The following ANO4 variants were observed in gnomAD, a reference collection of about 807,000 sequenced individuals.
The protein encoded by ANO4 is anoctamin-4.
ANO4 carries 69 observed loss-of-function variants against 141.9 expected under a neutral mutation model. The observed-to-expected ratio is 0.49, with a 90% CI of 0.40 to 0.59. ANO4 has a LOEUF of 0.59. Ranked by LOEUF, ANO4 falls within the 20% of genes least tolerant of loss-of-function variation. The probability of loss-of-function intolerance (pLI) is 0.00; values close to 1 mark genes in which losing one functional copy is unlikely to be tolerated. For missense variants in ANO4, 894 were observed against 1,162.2 expected (o/e 0.77, Z 3.36); for synonymous variants, 350 against 394.3 (o/e 0.89, Z 1.33).
chr12:100,936,345 C>CATGTA (rs1273198053), intron 3 of ANO4, among the ~76,000 whole-genome samples: 20 of 152,154 alleles, frequency 1.3e-4, no homozygotes, highest in Non-Finnish European at 2.8e-4. Flanking sequence ...AGCGGCATCC[C>CATGTA]TGGCCTCTAC....
chr12:100,940,736 T>C (rs967128656), intron 4 of ANO4, among the ~76,000 whole-genome samples: 3 of 152,168 alleles, frequency 2.0e-5, no homozygotes, highest in Admixed American at 6.5e-5. Context: ...CATACCACCA[T>C]TGGAAAAGAT....
chr12:100,906,751 A>G (rs1057505638), intron 2 of ANO4, among the ~76,000 whole-genome samples: 8 of 152,196 alleles, frequency 5.3e-5, no homozygotes, highest in Non-Finnish European at 8.8e-5. Context: ...TAGTATAACA[A>G]CTTGAGATTC....
At chr12:101,069,940 A>G (rs2138256) in intron 14 of ANO4, among the ~76,000 whole-genome samples, 107,292 of 151,814 alleles carry the variant, frequency 0.71, 38,960 homozygotes, top group East Asian at 0.89. Context: ...GAGAGGGGAC[A>G]GTGTATGTCT....
chr12:100,925,672 A>C (rs2041836551), intron 3 of ANO4, among the ~76,000 whole-genome samples: 1 of 151,820 alleles, frequency 6.6e-6, no homozygotes, highest in Non-Finnish European at 1.5e-5. Context: ...AGAATTCTGA[A>C]CATCAGTATA....
At chr12:100,954,462 A>G (rs543434549) in intron 5 of ANO4, among the ~76,000 whole-genome samples, 1 of 152,118 alleles carries the variant, frequency 6.6e-6, no homozygotes, top group Admixed American at 6.6e-5. Context: ...CCCACCTTCC[A>G]TCTGAGCACC....
chr12:101,042,521 G>A (rs1593104399), intron 12 of ANO4, 53 bp downstream of exon 12: 1 of 1,604,698 alleles, frequency 6.2e-7, no homozygotes, highest in African/African-American at 1.3e-5. Flanking sequence ...AGAGGTGGCT[G>A]TTTGCACTTT....
At chr12:100,982,511 T>C (rs1042829627) in intron 7 of ANO4, among the ~76,000 whole-genome samples, 1 of 152,234 alleles carries the variant, frequency 6.6e-6, no homozygotes, top group Admixed American at 6.5e-5. Flanking sequence ...TGAACTTTTA[T>C]TGGGAAAAGA....
At chr12:100,850,604 C>T (rs2037811725) in intron 1 of ANO4, among the ~76,000 whole-genome samples, 1 of 152,010 alleles carries the variant, frequency 6.6e-6, no homozygotes, top group Non-Finnish European at 1.5e-5. Flanking sequence ...ACTGGCAGAA[C>T]CTAGGATCAT....
At chr12:101,127,137 C>A in intron 27 of ANO4, 63 bp downstream of exon 27, 1 of 1,459,668 alleles carries the variant, frequency 6.9e-7, no homozygotes. Flanking sequence ...CTTTAAACTC[C>A]CTGAAGCAAA....
intron 1 of ANO4, among the ~76,000 whole-genome samples, chr12:100,835,524 A>C (rs1024262732): frequency 1.3e-5 from 2 of 152,136 alleles, no homozygotes; most frequent in Non-Finnish European, 2.9e-5. Flanking sequence ...CACATAAACT[A>C]CTATAAAAGT....
chr12:100,880,035 G>A (rs34262749), intron 1 of ANO4, among the ~76,000 whole-genome samples: 58 of 152,272 alleles, frequency 3.8e-4, no homozygotes, highest in Non-Finnish European at 7.2e-4. Context: ...TCCAGTTAGA[G>A]AAGATGGCAC....
chr12:101,107,168 G>T (rs1310196122), intron 22 of ANO4, among the ~76,000 whole-genome samples: 1 of 152,144 alleles, frequency 6.6e-6, no homozygotes, highest in African/African-American at 2.4e-5. Flanking sequence ...GTTAGTGATT[G>T]TAAGAATTAT....
intron 2 of ANO4, among the ~76,000 whole-genome samples, chr12:100,905,023 G>A (rs1447126217): frequency 6.6e-6 from 1 of 152,036 alleles, no homozygotes; most frequent in Non-Finnish European, 1.5e-5. Flanking sequence ...AAGTTTTTTT[G>A]GCCTGAGTGA....
At chr12:100,728,236 T>C (rs2031224963) in intron 1 of ANO4, among the ~76,000 whole-genome samples, 1 of 152,200 alleles carries the variant, frequency 6.6e-6, no homozygotes, top group African/African-American at 2.4e-5. Context: ...GGCTTTATTT[T>C]CTTTTGTTAT....
intron 17 of ANO4, among the ~76,000 whole-genome samples, chr12:101,091,679 A>G (rs111579726): frequency 1.3e-5 from 2 of 152,134 alleles, no homozygotes; most frequent in African/African-American, 4.8e-5. Context: ...TCCAAAGGTA[A>G]TCATTATTTA....
At chr12:101,086,631 G>T in intron 16 of ANO4, 29 bp from the exon 17 acceptor site, 1 of 1,612,182 alleles carries the variant, frequency 6.2e-7, no homozygotes, top group Non-Finnish European at 8.5e-7. Context: ...CCACCAAGAG[G>T]TTCACCGGGT....
At chr12:100,889,117 G>A (rs1236866937) in intron 1 of ANO4, among the ~76,000 whole-genome samples, 7 of 147,292 alleles carry the variant, frequency 4.8e-5, no homozygotes. Context: ...ATCTATGAGT[G>A]AGAACATGTG....
chr12:100,966,806 C>T (rs777222834), intron 5 of ANO4, among the ~76,000 whole-genome samples: 22 of 144,882 alleles, frequency 1.5e-4, no homozygotes, highest in Admixed American at 2.1e-4. Flanking sequence ...TATATATATA[C>T]ACACACACAC....
rs114995697 is a variant in ANO4 at position 100,751,271 on chromosome 12, G to A, written c.358+11166G>A. Among the ~76,000 whole-genome samples, 402 of 152,202 alleles carry A rather than the reference G, an allele frequency of 2.6e-3. 2 individuals carry two copies. The highest frequency in any genetic ancestry group is 8.5e-3 in the African/African-American group (353 of 41,524). On this transcript the variant is annotated intron_variant, in intron 3 of 29. Coordinates refer to the ANO4 transcript ENST00000644049. ...GTGAAGTGTTTAGAAAGATCTACGC[G>A]GGAAAGCAAGTGGGAGAGAATGGTG...
Sources: gnomAD v4.1 joint callset for allele counts (sites outside exome capture counted in the v4.1 genomes callset) on GRCh38, gnomAD v4.1.1 for gene constraint, MANE v1.5 for transcripts, NCBI Gene and HGNC (gene_info 2026-07-23, HGNC 2026-07-21) for gene names.